MYT1L: variants seen among roughly 807,000 people sequenced by gnomAD.
The protein encoded by MYT1L is myelin transcription factor 1-like protein.
MYT1L carries 12 observed loss-of-function variants against 126.7 expected under a neutral mutation model. The observed-to-expected ratio is 0.09, with a 90% CI of 0.06 to 0.15. The LOEUF is 0.15. MYT1L is among the 10% of genes least tolerant of loss of function. MYT1L has a pLI of 1.00. For missense variants in MYT1L, 979 were observed against 1,585.2 expected, an observed-to-expected ratio of 0.62 and a Z score of 6.49; for synonymous variants, 541 against 604.2, an observed-to-expected ratio of 0.90 and a Z score of 1.53.
chr2:1,925,883 T>C (rs916969847), intron 9 of MYT1L, among the ~76,000 whole-genome samples: 2 of 152,200 alleles, frequency 1.3e-5, no homozygotes, highest in African/African-American at 4.8e-5. Context: ...TAAAACTTCC[T>C]GGCCCTTTGT....
intron 2 of MYT1L, among the ~76,000 whole-genome samples, chr2:2,239,534 A>G (rs1191659832): frequency 6.6e-6 from 1 of 152,210 alleles, no homozygotes; most frequent in Admixed American, 6.5e-5. Flanking sequence ...GTTTGAAAGG[A>G]ATAGCTTCAA....
intron 13 of MYT1L, among the ~76,000 whole-genome samples, chr2:1,908,449 G>A (rs1363183789): frequency 1.3e-5 from 2 of 152,052 alleles, no homozygotes; most frequent in African/African-American, 2.4e-5. Flanking sequence ...CAGTCCCCGG[G>A]AGCAGGGCAG....
intron 4 of MYT1L, among the ~76,000 whole-genome samples, chr2:2,015,200 G>C (rs1202423266): frequency 1.3e-5 from 2 of 152,174 alleles, no homozygotes; most frequent in African/African-American, 4.8e-5. Context: ...TGGGTGCAAG[G>C]GCAGGGCCTT....
chr2:2,266,698 T>C (rs1324016320), intron 2 of MYT1L, among the ~76,000 whole-genome samples: 12 of 152,106 alleles, frequency 7.9e-5, no homozygotes, highest in Admixed American at 7.9e-4. Context: ...CTCCCACATG[T>C]TGTGGGAGGG....
intron 21 of MYT1L, among the ~76,000 whole-genome samples, chr2:1,822,870 G>A (rs564146730): frequency 3.4e-4 from 51 of 152,220 alleles, no homozygotes; most frequent in African/African-American, 1.2e-3. Flanking sequence ...AGGAGCAGCT[G>A]CTTGCTGCTG....
intron 8 of MYT1L, among the ~76,000 whole-genome samples, chr2:1,955,008 C>T (rs114154804): frequency 5.9e-5 from 9 of 151,752 alleles, no homozygotes; most frequent in African/African-American, 2.2e-4. Context: ...AAAAGTTAGC[C>T]GGGCGTCGTG....
intron 21 of MYT1L, among the ~76,000 whole-genome samples, chr2:1,831,547 T>G (rs780142124): frequency 3.3e-5 from 5 of 152,232 alleles, no homozygotes; most frequent in Non-Finnish European, 7.3e-5. Flanking sequence ...CATCTGACTC[T>G]CGTCCTATCT....
intron 3 of MYT1L, among the ~76,000 whole-genome samples, chr2:2,085,632 C>T (rs780100995): frequency 6.6e-5 from 10 of 152,130 alleles, no homozygotes; most frequent in Non-Finnish European, 1.2e-4. Flanking sequence ...CAGAATGAGT[C>T]TTATTCATAA....
chr2:1,917,795 C>T lies in MYT1L; in HGVS notation c.1484-456G>A, dbSNP rs2149075722. 6.6e-6 allele frequency among the ~76,000 whole-genome samples: 1 copy of T among 152,318 alleles called. No homozygotes were observed. The highest frequency in any genetic ancestry group is 3.4e-3 in the Middle Eastern group (1 of 294). ...CTGAATTTCTTTCTTATTGAGTGCT[C>T]TGATCGCATACACTAGAAGCTGCAG... On this transcript the variant is annotated intron_variant, in intron 10 of 24. Coordinates refer to ENST00000647738, the MANE Select transcript of MYT1L (RefSeq NM_001303052.2). The surrounding 1 kb of genome is among the most constrained non-coding windows in gnomAD (Gnocchi z 5.9).
chr2:2,310,422 T>G (rs1021675627), intron 1 of MYT1L, among the ~76,000 whole-genome samples: 4 of 152,196 alleles, frequency 2.6e-5, no homozygotes, highest in Non-Finnish European at 4.4e-5. Context: ...CCATCTACAC[T>G]TCAGTATACT....
At chr2:1,956,207 A>C (rs1352818048) in intron 8 of MYT1L, among the ~76,000 whole-genome samples, 1 of 143,582 alleles carries the variant, frequency 7.0e-6, no homozygotes, top group African/African-American at 2.9e-5. Context: ...CTATCTATCT[A>C]TCTATCTATC....
At chr2:2,046,211 C>T (rs927783717) in intron 4 of MYT1L, among the ~76,000 whole-genome samples, 75 of 152,170 alleles carry the variant, frequency 4.9e-4, no homozygotes, top group Non-Finnish European at 2.1e-4. Context: ...CCTCTGAAGT[C>T]CAATGCACTG....
At chr2:2,090,419 T>C (rs2150379023) in intron 3 of MYT1L, among the ~76,000 whole-genome samples, 1 of 152,336 alleles carries the variant, frequency 6.6e-6, no homozygotes, top group East Asian at 1.9e-4. Context: ...GCATTATGTC[T>C]AAAAATGTAC....
In MYT1L at chr2:1,892,252, T is replaced by C. The variant is rs1217492624; in HGVS notation, c.2068A>G (p.Ser690Gly). Residue 690 changes from serine to glycine, a missense_variant, in exon 15 of 25, where the codon AGC becomes GGC. Ser to Gly is a moderately conservative substitution (Grantham distance 56, BLOSUM62 0). Around this residue, in one of 12 missense-constraint regions of MYT1L, gnomAD observed 57 missense variants for 60.3 expected, o/e 0.94. Transcript: ENST00000647738. ...RYCKDPSPSS[S>G]STSSYAPSSS... is the part of the protein sequence containing the mutation. ...CTGGGCGCGTAGCTGCTGGTGCTGC[T>C]GCTGCTGGGGCTGGGGTCCTTGCAG... 5.2e-6 allele frequency: 8 copies of C among 1,549,604 alleles called. No homozygotes were observed. The highest frequency in any genetic ancestry group is 7.0e-6 in the Non-Finnish European group (8 of 1,146,522).
At chr2:1,977,052 A>G (rs1348171678) in intron 8 of MYT1L, among the ~76,000 whole-genome samples, 1 of 152,216 alleles carries the variant, frequency 6.6e-6, no homozygotes, top group Non-Finnish European at 1.5e-5. Flanking sequence ...GTTCTAGATA[A>G]CTGAGTGCAT....
chr2:2,125,699 T>G (rs988406775), intron 3 of MYT1L, among the ~76,000 whole-genome samples: 1 of 152,182 alleles, frequency 6.6e-6, no homozygotes, highest in African/African-American at 2.4e-5. Context: ...ATGAGTATAG[T>G]GCAATGGCAT....
chr2:2,182,971 C>A (rs772780000), intron 2 of MYT1L, among the ~76,000 whole-genome samples: 28 of 152,140 alleles, frequency 1.8e-4, no homozygotes, highest in Non-Finnish European at 3.7e-4. Flanking sequence ...CTCAGGGTTA[C>A]GCAGAGGTGA....
chr2:1,865,013 G>C (rs1482315329), intron 18 of MYT1L, among the ~76,000 whole-genome samples: 1 of 152,160 alleles, frequency 6.6e-6, no homozygotes. Flanking sequence ...TTCTGCCAGA[G>C]GATGCTGCTC....
Position 1,820,669 on chromosome 2 carries a change from C to T in MYT1L, c.3081-11502G>A, listed in dbSNP as rs2038392491. On this transcript the variant is annotated intron_variant, in intron 21 of 24. Transcript: ENST00000647738. Reference sequence around the variant, plus strand: ...TCAAGCAATTCTCACTCCTCAGCCTCCCAAATAGCTATGACCACAGCCATG... The same window carrying T: ...TCAAGCAATTCTCACTCCTCAGCCTTCCAAATAGCTATGACCACAGCCATG... Among the ~76,000 whole-genome samples the T allele has an allele frequency of 2.0e-5, 3 of 152,086 alleles. No individual in the cohort carries two copies. In the South Asian group the frequency reaches 6.2e-4, roughly 31 times the overall value.
Sources: allele counts gnomAD v4.1 joint callset (sites outside exome capture counted in the v4.1 genomes callset), GRCh38; gene constraint gnomAD v4.1.1; regional missense constraint gnomAD v4.1.1; non-coding constraint Gnocchi (gnomAD v3.1); transcripts MANE v1.5; gene names NCBI Gene and HGNC (gene_info 2026-07-23, HGNC 2026-07-21).